Variants in RAB11FIP4 observed in about 807,000 individuals in gnomAD.
RAB11FIP4 encodes the protein rab11 family-interacting protein 4.
A neutral mutation model predicts 74.3 loss-of-function variants in RAB11FIP4; 23 were observed. The ratio of observed to expected loss-of-function variants is 0.31; its 90% CI spans 0.22 to 0.44. The LOEUF is 0.44. RAB11FIP4 is among the 20% of genes least tolerant of loss of function. RAB11FIP4 has a pLI of 1.00. For missense variants in RAB11FIP4, 630 were observed against 863.9 expected (o/e 0.73, Z 3.39); for synonymous variants, 360 against 359.9 (o/e 1.00, Z 0.00).
intron 1 of RAB11FIP4, among the ~76,000 whole-genome samples, chr17:31,393,116 C>T (rs1391944488): frequency 2.0e-5 from 3 of 152,222 alleles, no homozygotes; most frequent in South Asian, 4.1e-4. Flanking sequence ...GGGCATGGGC[C>T]GGGACTTGTG....
At chr17:31,415,271 C>T (rs953086754) in intron 1 of RAB11FIP4, among the ~76,000 whole-genome samples, 5 of 152,132 alleles carry the variant, frequency 3.3e-5, no homozygotes, top group African/African-American at 4.8e-5. Flanking sequence ...GCCCAGGGGG[C>T]GCTCTACGTG....
Position 31,520,094 on chromosome 17 carries a change from C to CAAA in RAB11FIP4, c.564-1054_564-1052dup, listed in dbSNP as rs10612669. On this transcript the variant is annotated intron_variant, in intron 4 of 14. Coordinates refer to ENST00000621161, the MANE Select transcript of RAB11FIP4 (RefSeq NM_032932.6). ...AGGCGACAAAGCAAGACTCTGTCTCCAAAAAAAAAAAAAAAAAAAAGACAA... is the reference window on the plus strand; with the variant it reads ...AGGCGACAAAGCAAGACTCTGTCTCCAAAAAAAAAAAAAAAAAAAAAAAGACAA... 7.6e-5 allele frequency among the ~76,000 whole-genome samples: 7 copies of CAAA among 91,754 alleles called. No individual in the cohort carries two copies. In the East Asian group the frequency reaches 1.3e-3, roughly 17 times the overall value. 60.2% of individuals were successfully genotyped at this position (91,754 alleles called of 152,430 possible). A position where few individuals can be genotyped will look rare whatever the true frequency, so the allele number is the denominator to read the frequency against.
rs1294401117 is a variant in RAB11FIP4 at position 31,535,568 on chromosome 17, T to G, written c.*3836T>G. 3 of 152,364 alleles carry G rather than the reference T, an allele frequency of 2.0e-5. No individual in the cohort carries two copies. Among genetic ancestry groups the G allele is most frequent in the Non-Finnish European group, 4.4e-5 (3 of 68,180 alleles). 9.4% of individuals were successfully genotyped at this position (152,364 alleles called of 1,614,324 possible). On this transcript the variant is annotated 3_prime_UTR_variant, in exon 15 of 15. Transcript: ENST00000621161. ...TGTCAAGCCCGTGGCTGAATGACAG[T>G]GAGCTCTCTTGCTGGGAGGGTTCCT...
chr17:31,525,426 G>T, intron 10 of RAB11FIP4, 196 bp downstream of exon 10: 1 of 615,848 alleles, frequency 1.6e-6, no homozygotes, highest in East Asian at 2.8e-5. Context: ...GTTCGCTAAG[G>T]AATGTTCCCA....
intron 1 of RAB11FIP4, among the ~76,000 whole-genome samples, chr17:31,414,830 G>A (rs765218464): frequency 8.5e-5 from 13 of 152,230 alleles, no homozygotes; most frequent in Non-Finnish European, 1.5e-4. Context: ...CCCTCCAGCT[G>A]TGAGAACCAG....
chr17:31,444,131 A>C (rs2071429269), intron 3 of RAB11FIP4, among the ~76,000 whole-genome samples: 1 of 152,212 alleles, frequency 6.6e-6, no homozygotes, highest in Non-Finnish European at 1.5e-5. Flanking sequence ...CATTTCATCC[A>C]TCCTGAAACA....
intron 3 of RAB11FIP4, chr17:31,488,278 C>A: frequency 1.7e-6 from 2 of 1,176,456 alleles, no homozygotes; most frequent in South Asian, 8.4e-5. Context: ...GCCAGGTAAG[C>A]GGCGGCCCCG....
intron 3 of RAB11FIP4, among the ~76,000 whole-genome samples, chr17:31,503,525 A>G (rs1481533124): frequency 6.7e-6 from 1 of 149,706 alleles, no homozygotes; most frequent in Non-Finnish European, 1.5e-5. Flanking sequence ...AGTAGAGGGG[A>G]GGCAGTTCTG....
intron 10 of RAB11FIP4, chr17:31,525,736 C>G (rs960964855): frequency 6.1e-6 from 1 of 162,750 alleles, no homozygotes; most frequent in Non-Finnish European, 1.4e-5. Flanking sequence ...TGGGTCACCT[C>G]CCTGTGTGCC....
At chr17:31,485,214 C>A (rs1355949998) in intron 3 of RAB11FIP4, among the ~76,000 whole-genome samples, 1 of 152,232 alleles carries the variant, frequency 6.6e-6, no homozygotes, top group Admixed American at 6.5e-5. Context: ...TGGAACCGGG[C>A]AGGCTTCAAA....
At chr17:31,452,771 C>T (rs972874116) in intron 3 of RAB11FIP4, among the ~76,000 whole-genome samples, 23 of 152,208 alleles carry the variant, frequency 1.5e-4, no homozygotes, top group African/African-American at 5.5e-4. Flanking sequence ...TTTCTGTCTC[C>T]ACATTTCTGT....
intron 3 of RAB11FIP4, among the ~76,000 whole-genome samples, chr17:31,440,413 A>G (rs549806598): frequency 9.8e-5 from 15 of 152,306 alleles, no homozygotes; most frequent in Admixed American, 9.8e-4. Context: ...CCATAGTTTC[A>G]GTTACTCTTG....
At chr17:31,401,274 TAAAA>T (rs72391772) in intron 1 of RAB11FIP4, among the ~76,000 whole-genome samples, 1 of 145,458 alleles carries the variant, frequency 6.9e-6, no homozygotes, top group African/African-American at 2.6e-5. Context: ...TCTGTCTAAT[TAAAA>T]AAAAAAAAAA....
rs141172089 is a variant in RAB11FIP4 at position 31,477,484 on chromosome 17, A to G, written c.337-40167A>G. On this transcript the variant is annotated intron_variant, in intron 3 of 14. Transcript: ENST00000621161. ...GCTGGGAGGGTGCGAAGCTGACAGC[A>G]GAGCCCCAGGTCCCCAGACAAGCTG... is the stretch of plus-strand genomic sequence containing the variant. 9.1e-4 allele frequency among the ~76,000 whole-genome samples: 138 copies of G among 152,358 alleles called. 1 individual carries two copies. Among genetic ancestry groups the G allele is most frequent in the African/African-American group, 3.2e-3 (134 of 41,590 alleles).
chr17:31,470,578 G>C (rs2071727692), intron 3 of RAB11FIP4, among the ~76,000 whole-genome samples: 1 of 152,220 alleles, frequency 6.6e-6, no homozygotes, highest in Non-Finnish European at 1.5e-5. Flanking sequence ...TGGCTCTCAT[G>C]ATCCAATGGA....
intron 3 of RAB11FIP4, among the ~76,000 whole-genome samples, chr17:31,458,389 C>T (rs560058637): frequency 5.3e-5 from 8 of 152,320 alleles, no homozygotes; most frequent in African/African-American, 1.2e-4. Context: ...ATGGGAGCCC[C>T]GCAGGGCATT....
chr17:31,424,161 G>A (rs1202636685), intron 1 of RAB11FIP4, among the ~76,000 whole-genome samples: 1 of 152,116 alleles, frequency 6.6e-6, no homozygotes, highest in Admixed American at 6.5e-5. Flanking sequence ...GCTCACCACC[G>A]TATTCATCTT....
intron 1 of RAB11FIP4, among the ~76,000 whole-genome samples, chr17:31,426,727 T>C (rs2071254852): frequency 6.6e-6 from 1 of 150,754 alleles, no homozygotes; most frequent in Non-Finnish European, 1.5e-5. Flanking sequence ...GCCTCCCAAG[T>C]AGCTGGGACT....
intron 3 of RAB11FIP4, among the ~76,000 whole-genome samples, chr17:31,460,895 C>G (rs1028251418): frequency 3.9e-5 from 6 of 152,046 alleles, no homozygotes; most frequent in African/African-American, 1.2e-4. Context: ...CACGCCCGGC[C>G]ATGTGTGTAT....
Sources: allele counts gnomAD v4.1 joint callset (sites outside exome capture counted in the v4.1 genomes callset), GRCh38; gene constraint gnomAD v4.1.1; transcripts MANE v1.5; gene names NCBI Gene and HGNC (gene_info 2026-07-23, HGNC 2026-07-21).